TTLL7: variants seen among roughly 807,000 people sequenced by gnomAD.
TTLL7 encodes the protein tubulin polyglutamylase TTLL7.
In TTLL7, 53 loss-of-function variants were observed where a neutral mutation model predicts 120.2. That is an observed-to-expected ratio of 0.44 (90% CI 0.35 to 0.55). TTLL7 has a LOEUF of 0.55. Ranked by LOEUF, TTLL7 falls within the 20% of genes least tolerant of loss-of-function variation. TTLL7 has a pLI of 0.00. For missense variants in TTLL7, 803 were observed against 1,054.7 expected (o/e 0.76, Z 3.31); for synonymous variants, 353 against 351.7 (o/e 1.00, Z -0.04).
chr1:83,930,420 T>C (rs1382010885), intron 9 of TTLL7, among the ~76,000 whole-genome samples: 1 of 152,146 alleles, frequency 6.6e-6, no homozygotes, highest in Non-Finnish European at 1.5e-5. Context: ...GGTGGACACA[T>C]TCCTTTATTT....
chr1:83,991,430 G>C (rs756622753), intron 1 of TTLL7, among the ~76,000 whole-genome samples: 1 of 152,262 alleles, frequency 6.6e-6, no homozygotes, highest in Non-Finnish European at 1.5e-5. Context: ...TGGACCACTT[G>C]AGCTCAGGAG....
intron 9 of TTLL7, among the ~76,000 whole-genome samples, chr1:83,929,765 T>C (rs1659437516): frequency 6.6e-6 from 1 of 152,130 alleles, no homozygotes; most frequent in South Asian, 2.1e-4. Flanking sequence ...CTTTGTTGAG[T>C]CTTGTTACTA....
intron 1 of TTLL7, among the ~76,000 whole-genome samples, chr1:83,990,132 A>G (rs893924640): frequency 2.0e-5 from 3 of 150,394 alleles, no homozygotes; most frequent in Non-Finnish European, 3.0e-5. Flanking sequence ...GATCGTATCA[A>G]TAAGGAGAGA....
chr1:83,949,761 G>T, intron 4 of TTLL7, 104 bp downstream of exon 4: 2 of 1,300,138 alleles, frequency 1.5e-6, no homozygotes, highest in East Asian at 2.3e-5. Flanking sequence ...GTGAGTAAGA[G>T]CTGAAATGTA....
chr1:83,951,964 G>T lies in TTLL7; in HGVS notation c.38C>A (p.Pro13His), dbSNP rs1346342272. ...TTCTGTATTCAAATCCAGGGGAGAG[G>T]GTCCCTGAATAACTTTAAAAAAATG... ...SLPQEGVIQG[P>H]SPLDLNTELP... is the part of the protein sequence containing the mutation. Residue 13 changes from proline (P) to histidine (H), a missense_variant, in exon 3 of 21, where the codon CCC (proline) becomes CAC (histidine). Around this residue, in one of 3 missense-constraint regions of TTLL7, gnomAD observed 91 missense variants for 96.6 expected, o/e 0.94. Coordinates refer to ENST00000260505, the MANE Select transcript of TTLL7 (RefSeq NM_024686.6). The T allele has an allele frequency of 5.6e-6, 9 of 1,605,192 alleles. No homozygotes were observed. Among genetic ancestry groups the T allele is most frequent in the Non-Finnish European group, 7.6e-6 (9 of 1,177,604 alleles).
chr1:83,992,881 T>C (rs943707614), intron 1 of TTLL7, among the ~76,000 whole-genome samples: 1 of 148,896 alleles, frequency 6.7e-6, no homozygotes, highest in East Asian at 2.0e-4. Flanking sequence ...AACTGCAGAC[T>C]GACTGGTTCC....
At chr1:83,891,877 G>T (rs551947918) in intron 18 of TTLL7, among the ~76,000 whole-genome samples, 1 of 152,034 alleles carries the variant, frequency 6.6e-6, no homozygotes, top group African/African-American at 2.4e-5. Context: ...ACCCAGGCTG[G>T]AGTGCAGGGG....
intron 3 of TTLL7, among the ~76,000 whole-genome samples, chr1:83,950,906 C>G (rs1265345555): frequency 6.6e-6 from 1 of 152,080 alleles, no homozygotes; most frequent in Non-Finnish European, 1.5e-5. Context: ...TATTCCTTAC[C>G]TGGCTCACAA....
intron 9 of TTLL7, among the ~76,000 whole-genome samples, 154 bp from the exon 10 acceptor site, chr1:83,929,384 A>G (rs1049594135): frequency 6.6e-6 from 1 of 152,142 alleles, no homozygotes; most frequent in African/African-American, 2.4e-5. Context: ...CCACATCTCC[A>G]TTCTGCATCA....
intron 7 of TTLL7, among the ~76,000 whole-genome samples, chr1:83,939,496 C>CA: frequency 6.6e-6 from 1 of 152,194 alleles, no homozygotes; most frequent in African/African-American, 2.4e-5. Flanking sequence ...TTTACCTTGA[C>CA]AAAAATAGAC....
chr1:83,901,637 T>G (rs1656733721), intron 18 of TTLL7, among the ~76,000 whole-genome samples: 1 of 151,976 alleles, frequency 6.6e-6, no homozygotes, highest in Non-Finnish European at 1.5e-5. Flanking sequence ...GGGCTTCTCA[T>G]GTGTTTTGCA....
At chr1:83,983,322 T>G (rs1470458115) in intron 1 of TTLL7, among the ~76,000 whole-genome samples, 1 of 152,006 alleles carries the variant, frequency 6.6e-6, no homozygotes, top group Non-Finnish European at 1.5e-5. Flanking sequence ...AGAACGAGAC[T>G]CTGTCTCAAA....
At chr1:83,913,988 C>T (rs1207030459) in intron 14 of TTLL7, among the ~76,000 whole-genome samples, 1 of 152,188 alleles carries the variant, frequency 6.6e-6, no homozygotes, top group Non-Finnish European at 1.5e-5. Flanking sequence ...AGAAACTTCC[C>T]AGTGTTTCCC....
chr1:83,985,957 G>C (rs1481668897), intron 1 of TTLL7, among the ~76,000 whole-genome samples: 1 of 152,084 alleles, frequency 6.6e-6, no homozygotes, highest in African/African-American at 2.4e-5. Flanking sequence ...AGACCAAGGT[G>C]GTTTTATTAT....
chr1:83,919,926 A>G, intron 12 of TTLL7, 92 bp from the exon 13 acceptor site: 4 of 1,210,860 alleles, frequency 3.3e-6, no homozygotes, highest in Non-Finnish European at 4.7e-6. Context: ...TTGACCATCT[A>G]TTCTATACCA....
intron 20 of TTLL7, among the ~76,000 whole-genome samples, chr1:83,875,039 T>A (rs1653804385): frequency 1.3e-5 from 2 of 151,842 alleles, no homozygotes; most frequent in Admixed American, 1.3e-4. Context: ...TAAGGTATTT[T>A]AAAAAGTACA....
rs1658487928 is a variant in TTLL7, at chr1:83,919,726, C to T, written c.1473G>A (p.Glu491=). The change falls in exon 13 of 21, where the codon GAG becomes GAA. Residue 491 remains glutamate, a synonymous_variant. Transcript: ENST00000260505. The stretch of plus-strand genomic sequence containing the variant: ...TCATCCTTTTCAAAGGATTATTCAA[C>T]TCTCGCTGGAATGAAGCTGCTCTTC... ...LSGRAASFQR[E]LNNPLKRMKE... is the part of the protein sequence containing the mutation. 5.6e-6 allele frequency: 9 copies of T among 1,612,498 alleles called. No homozygotes were observed. The highest frequency in any genetic ancestry group is 1.7e-4 in the Middle Eastern group (1 of 5,838).
chr1:83,951,015 A>G (rs1320508900), intron 3 of TTLL7, among the ~76,000 whole-genome samples: 1 of 152,166 alleles, frequency 6.6e-6, no homozygotes, highest in African/African-American at 2.4e-5. Context: ...ATACCTGGGA[A>G]GACTTTAGTG....
At chr1:83,908,219 G>A (rs781077908) in intron 15 of TTLL7, among the ~76,000 whole-genome samples, 1 of 151,970 alleles carries the variant, frequency 6.6e-6, no homozygotes, top group African/African-American at 2.4e-5. Context: ...TCACTCACAA[G>A]AATCTGTGTA....
Sources: allele counts gnomAD v4.1 joint callset (sites outside exome capture counted in the v4.1 genomes callset), GRCh38; gene constraint gnomAD v4.1.1; regional missense constraint gnomAD v4.1.1; transcripts MANE v1.5; gene names NCBI Gene and HGNC (gene_info 2026-07-23, HGNC 2026-07-21).